PPEF1: variants seen among roughly 807,000 people sequenced by gnomAD.
PPEF1 encodes serine/threonine-protein phosphatase with EF-hands 1.
Under a neutral mutation model 53.3 loss-of-function variants are expected in PPEF1, and 12 were observed. The observed-to-expected ratio is 0.23, with a 90% CI of 0.14 to 0.36. The LOEUF is 0.36. Among genes scored for constraint, PPEF1 ranks in the 10% least tolerant of loss-of-function variants. The pLI is 1.00. For missense variants in PPEF1, 334 were observed against 490.4 expected, an observed-to-expected ratio of 0.68 and a Z score of 3.01; for synonymous variants, 165 against 176.7, an observed-to-expected ratio of 0.93 and a Z score of 0.52.
intron 13 of PPEF1, among the ~76,000 whole-genome samples, chrX:18,821,519 T>G (rs966901319): frequency 9.0e-6 from 1 of 110,984 alleles, no homozygotes; most frequent in African/African-American, 3.3e-5. Flanking sequence ...GCAATTCTTC[T>G]GCTTCAGCCT....
intron 10 of PPEF1, among the ~76,000 whole-genome samples, chrX:18,802,383 T>G (rs979102860): frequency 9.0e-6 from 1 of 111,554 alleles, no homozygotes; most frequent in African/African-American, 3.3e-5. Context: ...AAAAATGATT[T>G]TAAAAATTTG....
intron 9 of PPEF1, among the ~76,000 whole-genome samples, chrX:18,787,774 A>C (rs2147618724): frequency 9.1e-6 from 1 of 109,435 alleles, no homozygotes; most frequent in East Asian, 2.9e-4. Context: ...AAAAAAAAGA[A>C]AGAAAGAAAA....
At chrX:18,712,260 A>T (rs947912949) in intron 1 of PPEF1, among the ~76,000 whole-genome samples, 1 of 111,644 alleles carries the variant, frequency 9.0e-6, no homozygotes, top group Non-Finnish European at 1.9e-5. Context: ...GAGTATTGCT[A>T]TATTAACAAT....
chrX:18,736,314 G>A (rs986702477), intron 3 of PPEF1, among the ~76,000 whole-genome samples: 2 of 111,719 alleles, frequency 1.8e-5, no homozygotes, highest in Non-Finnish European at 3.8e-5. Flanking sequence ...TCAATACCTA[G>A]TTTATTAAGA....
rs2046544107 is a variant in PPEF1 at position 18,801,474 on chromosome X, C to T, written c.1066-2418C>T. On this transcript the variant is annotated intron_variant, in intron 10 of 15. Coordinates refer to ENST00000470157, the MANE Select transcript of PPEF1 (RefSeq NM_001377996.1). ...TAGAATAACTGCATAACTTCACATGCCTGCTTTTTCATGCACTCAAAAGAA... is the reference window on the plus strand; with the variant it reads ...TAGAATAACTGCATAACTTCACATGTCTGCTTTTTCATGCACTCAAAAGAA... Among the ~76,000 whole-genome samples, 4 of 111,894 alleles carry T rather than the reference C, an allele frequency of 3.6e-5. No homozygotes were observed. In the South Asian group the frequency reaches 1.5e-3, roughly 42 times the overall value.
chrX:18,727,511 A>G (rs184325181), intron 1 of PPEF1, among the ~76,000 whole-genome samples: 2 of 110,925 alleles, frequency 1.8e-5, no homozygotes, highest in African/African-American at 6.6e-5. Context: ...CACCACAGCA[A>G]TCATCAACAC....
intron 10 of PPEF1, among the ~76,000 whole-genome samples, chrX:18,795,421 G>A (rs927383077): frequency 8.9e-6 from 1 of 112,362 alleles, no homozygotes; most frequent in Non-Finnish European, 1.9e-5. Flanking sequence ...ACTGTACTGA[G>A]TATGTCTATA....
intron 5 of PPEF1, among the ~76,000 whole-genome samples, chrX:18,759,126 C>G (rs1315917227): frequency 9.0e-6 from 1 of 111,479 alleles, no homozygotes; most frequent in Non-Finnish European, 1.9e-5. Context: ...CGTGACTTAA[C>G]TGGACATCTC....
intron 2 of PPEF1, among the ~76,000 whole-genome samples, chrX:18,731,008 C>A (rs1030450663): frequency 1.2e-4 from 13 of 112,515 alleles, no homozygotes; most frequent in African/African-American, 2.6e-4. Flanking sequence ...AGCCACCGCA[C>A]CTGGCCAAGG....
intron 13 of PPEF1, among the ~76,000 whole-genome samples, chrX:18,822,348 ATG>A (rs1287418928): frequency 2.5e-4 from 26 of 104,365 alleles, no homozygotes; most frequent in African/African-American, 9.1e-4. Context: ...GTATCACAAA[ATG>A]TGCAAAAAAA....
chrX:18,755,291 G>A (rs1431295027), intron 4 of PPEF1, among the ~76,000 whole-genome samples: 3 of 111,868 alleles, frequency 2.7e-5, no homozygotes, highest in Non-Finnish European at 5.6e-5. Flanking sequence ...ATGAGGCCGG[G>A]TGCAGTGGCT....
intron 6 of PPEF1, among the ~76,000 whole-genome samples, chrX:18,700,825 G>A (rs1930061760): frequency 8.9e-6 from 1 of 112,107 alleles, no homozygotes; most frequent in Non-Finnish European, 1.9e-5. Context: ...TTCCCTTGGC[G>A]TCTTGTCGTC....
chrX:18,801,490 C>T (rs754957836), intron 10 of PPEF1, among the ~76,000 whole-genome samples: 1 of 111,886 alleles, frequency 8.9e-6, no homozygotes, highest in African/African-American at 3.2e-5. Flanking sequence ...TTTTCATGCA[C>T]TCAAAAGAAA....
At chrX:18,788,051 T>G (rs758309497) in intron 9 of PPEF1, among the ~76,000 whole-genome samples, 1 of 111,980 alleles carries the variant, frequency 8.9e-6, no homozygotes. Context: ...GTGCAGTGGC[T>G]CACGCCTGTA....
chrX:18,753,788 C>A (rs1044435504), intron 4 of PPEF1, among the ~76,000 whole-genome samples: 2 of 111,551 alleles, frequency 1.8e-5, no homozygotes, highest in Non-Finnish European at 3.8e-5. Context: ...TGTCTAGTTT[C>A]ATTCCATTGT....
rs372668193 is a variant in PPEF1 at position 18,743,002 on chromosome X, G to A, written c.236-6790G>A. 1.8e-4 allele frequency among the ~76,000 whole-genome samples: 20 copies of A among 112,530 alleles called. No individual in the cohort carries two copies. In the East Asian group the frequency reaches 1.9e-3, roughly 11 times the overall value. ...TAAGGCCTATGTGCTAGAACTCTGGGAAATCAGTTCTGCCATACTCTATCG... is the reference window on the plus strand; with the variant it reads ...TAAGGCCTATGTGCTAGAACTCTGGAAAATCAGTTCTGCCATACTCTATCG... On this transcript the variant is annotated intron_variant, in intron 3 of 15. Coordinates refer to ENST00000470157, the MANE Select transcript of PPEF1 (RefSeq NM_001377996.1).
intron 10 of PPEF1, among the ~76,000 whole-genome samples, chrX:18,798,743 C>G (rs1305780070): frequency 9.0e-6 from 1 of 110,960 alleles, no homozygotes. Flanking sequence ...CCTGCATCAG[C>G]CTCCAAAGTA....
chrX:18,787,269 G>C (rs940239744), intron 9 of PPEF1, among the ~76,000 whole-genome samples: 4 of 111,142 alleles, frequency 3.6e-5, no homozygotes, highest in Non-Finnish European at 7.5e-5. Flanking sequence ...TACACCTGCG[G>C]TCGTAATGGT....
At chrX:18,800,263 A>C (rs1198704415) in intron 10 of PPEF1, among the ~76,000 whole-genome samples, 1 of 111,064 alleles carries the variant, frequency 9.0e-6, no homozygotes, top group Non-Finnish European at 1.9e-5. Context: ...ATATGGCAAA[A>C]AAGGAGAAAA....
Sources: gnomAD v4.1 joint callset for allele counts (sites outside exome capture counted in the v4.1 genomes callset) on GRCh38, gnomAD v4.1.1 for gene constraint, MANE v1.5 for transcripts, NCBI Gene and HGNC (gene_info 2026-07-23, HGNC 2026-07-21) for gene names.